PACS1: variants seen among roughly 807,000 people sequenced by gnomAD.
The protein encoded by PACS1 is PACS-1.
PACS1 carries 24 observed loss-of-function variants against 115.0 expected under a neutral mutation model. That is an observed-to-expected ratio of 0.21 (90% CI 0.15 to 0.29). The LOEUF is 0.29. Among genes scored for constraint, PACS1 ranks in the 10% least tolerant of loss-of-function variants. The pLI, the probability that PACS1 is intolerant of heterozygous loss-of-function variation, is 1.00. For missense variants in PACS1, 838 were observed against 1,251.2 expected (o/e 0.67, Z 4.98); for synonymous variants, 453 against 504.5 (o/e 0.90, Z 1.37).
chr11:66,202,740 AAAATATATATAT>A lies in PACS1; in HGVS notation c.445-7620_445-7609del, dbSNP rs1283466714. Reference sequence around the variant, plus strand: ...CTCATCTCTAGGAAAAAAAAAAAAAAAAATATATATATATATATATATATATATATATATATA... The same window carrying A: ...CTCATCTCTAGGAAAAAAAAAAAAAAATATATATATATATATATATATATA... On this transcript the variant is annotated intron_variant, in intron 2 of 23. Transcript: ENST00000320580. 1.7e-4 allele frequency among the ~76,000 whole-genome samples: 15 copies of A among 85,952 alleles called. 2 individuals carry two copies. Among genetic ancestry groups the A allele is most frequent in the African/African-American group, 9.2e-4 (15 of 16,328 alleles). The allele number at this position is 85,952 out of a possible 152,430, so 56.4% of individuals were successfully genotyped here. A position where few individuals can be genotyped will look rare whatever the true frequency, so the allele number is the denominator to read the frequency against.
At chr11:66,172,569 C>T (rs1310899604) in intron 1 of PACS1, among the ~76,000 whole-genome samples, 2 of 152,188 alleles carry the variant, frequency 1.3e-5, no homozygotes, top group South Asian at 2.1e-4. Context: ...GATCCTGCAG[C>T]CCCCTCAAGT....
At chr11:66,133,468 G>C (rs908696141) in intron 1 of PACS1, among the ~76,000 whole-genome samples, 1 of 152,182 alleles carries the variant, frequency 6.6e-6, no homozygotes, top group Non-Finnish European at 1.5e-5. Flanking sequence ...CACTGGAACA[G>C]CTGATAATGT....
intron 2 of PACS1, among the ~76,000 whole-genome samples, chr11:66,195,707 A>C (rs1169591730): frequency 6.6e-6 from 1 of 152,188 alleles, no homozygotes; most frequent in African/African-American, 2.4e-5. Flanking sequence ...TTATTCAGTC[A>C]CTTATTTATG....
At chr11:66,136,323 TCACA>T (rs61577143) in intron 1 of PACS1, among the ~76,000 whole-genome samples, 64,662 of 145,744 alleles carry the variant, frequency 0.44, 15,148 homozygotes, top group South Asian at 0.63. Flanking sequence ...AATCCCACTG[TCACA>T]CACACACACA....
intron 1 of PACS1, among the ~76,000 whole-genome samples, chr11:66,125,116 A>T (rs1858540951): frequency 6.6e-6 from 1 of 152,194 alleles, no homozygotes; most frequent in African/African-American, 2.4e-5. Context: ...AATTCTTTTT[A>T]AAAATACAGC....
intron 2 of PACS1, among the ~76,000 whole-genome samples, chr11:66,203,993 C>A (rs1487245033): frequency 6.6e-6 from 1 of 152,100 alleles, no homozygotes; most frequent in Non-Finnish European, 1.5e-5. Context: ...TTGATCTGGG[C>A]AGAGATTTCT....
intron 1 of PACS1, among the ~76,000 whole-genome samples, chr11:66,098,005 C>A (rs946720475): frequency 6.6e-6 from 1 of 152,096 alleles, no homozygotes; most frequent in Non-Finnish European, 1.5e-5. Flanking sequence ...GGTGAAACCT[C>A]GTCTCTACTA....
chr11:66,075,875 C>G (rs1161777516), intron 1 of PACS1, among the ~76,000 whole-genome samples: 1 of 151,768 alleles, frequency 6.6e-6, no homozygotes, highest in Non-Finnish European at 1.5e-5. Context: ...GTAGCTAGGA[C>G]TGCAGGTGCC....
chr11:66,206,252 C>G (rs1209517), intron 2 of PACS1, among the ~76,000 whole-genome samples: 1 of 152,056 alleles, frequency 6.6e-6, no homozygotes, highest in Non-Finnish European at 1.5e-5. Context: ...AATGGTTTTG[C>G]TTCTATACTG....
intron 1 of PACS1, among the ~76,000 whole-genome samples, chr11:66,147,110 A>G (rs1435840582): frequency 6.6e-6 from 1 of 152,200 alleles, no homozygotes; most frequent in Admixed American, 6.5e-5. Context: ...GCAGCAAGAA[A>G]AAGATAACTC....
chr11:66,100,018 T>G (rs778989439), intron 1 of PACS1, among the ~76,000 whole-genome samples: 5 of 152,018 alleles, frequency 3.3e-5, no homozygotes, highest in Non-Finnish European at 7.4e-5. Context: ...GTAGCTGGGA[T>G]TACAGACATC....
At chr11:66,145,350 G>A (rs966450628) in intron 1 of PACS1, among the ~76,000 whole-genome samples, 5 of 152,116 alleles carry the variant, frequency 3.3e-5, no homozygotes, top group African/African-American at 9.7e-5. Flanking sequence ...GAGGTAATGC[G>A]CTTGATTTGG....
At chr11:66,088,123 A>G (rs1438427175) in intron 1 of PACS1, among the ~76,000 whole-genome samples, 1 of 151,948 alleles carries the variant, frequency 6.6e-6, no homozygotes, top group Non-Finnish European at 1.5e-5. Context: ...TGTTTTTCTC[A>G]AAAATATCTT....
chr11:66,224,195 C>CAAAAAA lies in PACS1; in HGVS notation c.1293+2964_1293+2969dup, dbSNP rs71036281. Among the ~76,000 whole-genome samples the CAAAAAA allele has an allele frequency of 2.5e-4, 20 of 81,316 alleles. 2 individuals carry two copies. Among genetic ancestry groups the CAAAAAA allele is most frequent in the African/African-American group, 6.7e-4 (13 of 19,300 alleles). The allele number at this position is 81,316 out of a possible 152,430, so 53.3% of individuals were successfully genotyped here. ...TGGGTAACAGAGCAAGACTCCATCTCAAAAAAAAAAAAAAAAAAAAAGCCA... is the reference window on the plus strand; with the variant it reads ...TGGGTAACAGAGCAAGACTCCATCTCAAAAAAAAAAAAAAAAAAAAAAAAAAAGCCA... On this transcript the variant is annotated intron_variant, in intron 10 of 23. Transcript: ENST00000320580.
chr11:66,118,058 C>G lies in PACS1; in HGVS notation c.356+47216C>G, dbSNP rs572918863. Among the ~76,000 whole-genome samples, 8 of 152,270 alleles carry G rather than the reference C, an allele frequency of 5.3e-5. No individual in the cohort carries two copies. In the East Asian group the frequency reaches 1.5e-3, roughly 29 times the overall value. On this transcript the variant is annotated intron_variant, in intron 1 of 23. Transcript: ENST00000320580. Reference sequence around the variant, plus strand: ...AGGGTACCCTGAAGCCTTTTTGGCACATGTGGGGGTCATTTTAAACGTATG... The same window carrying G: ...AGGGTACCCTGAAGCCTTTTTGGCAGATGTGGGGGTCATTTTAAACGTATG...
chr11:66,071,689 A>C (rs1857312262), intron 1 of PACS1, among the ~76,000 whole-genome samples: 1 of 152,194 alleles, frequency 6.6e-6, no homozygotes, highest in Admixed American at 6.5e-5. Context: ...TTTCACCCAG[A>C]AAGCCCAGAG....
intron 1 of PACS1, among the ~76,000 whole-genome samples, chr11:66,176,051 A>G (rs200245952): frequency 4.9e-5 from 4 of 81,352 alleles, no homozygotes; most frequent in Admixed American, 3.2e-4. Flanking sequence ...TGGACTTTCC[A>G]AAAATATAGA....
chr11:66,097,164 A>T (rs1857804718), intron 1 of PACS1, among the ~76,000 whole-genome samples: 1 of 152,066 alleles, frequency 6.6e-6, no homozygotes, highest in African/African-American at 2.4e-5. Flanking sequence ...CCCCCATGAT[A>T]AATACCCCCT....
intron 1 of PACS1, among the ~76,000 whole-genome samples, chr11:66,120,834 A>G (rs1858420352): frequency 1.3e-5 from 2 of 151,154 alleles, no homozygotes; most frequent in South Asian, 4.2e-4. Flanking sequence ...GTCTGCTAGA[A>G]CTCCTCACTT....
Sources: gnomAD v4.1 joint callset for allele counts (sites outside exome capture counted in the v4.1 genomes callset) on GRCh38, gnomAD v4.1.1 for gene constraint, MANE v1.5 for transcripts, NCBI Gene and HGNC (gene_info 2026-07-23, HGNC 2026-07-21) for gene names.